Variants in MGLL observed in about 807,000 individuals in gnomAD.
MGLL encodes the protein lysophospholipase homolog.
In MGLL, 7 loss-of-function variants were observed where a neutral mutation model predicts 29.1. The observed-to-expected ratio is 0.24, with a 90% CI of 0.14 to 0.45. MGLL has a LOEUF of 0.45. Ranked by LOEUF, MGLL falls within the 20% of genes least tolerant of loss-of-function variation. The probability of loss-of-function intolerance (pLI) is 0.99; values close to 1 mark genes in which losing one functional copy is unlikely to be tolerated. For synonymous variants in MGLL, 148 were observed against 168.3 expected (o/e 0.88, Z 0.93); for missense variants, 356 against 413.6 (o/e 0.86, Z 1.21).
At chr3:127,800,897 TC>T (rs2077466537) in intron 2 of MGLL, among the ~76,000 whole-genome samples, 1 of 152,052 alleles carries the variant, frequency 6.6e-6, no homozygotes, top group African/African-American at 2.4e-5. Context: ...CAGCTCAGAG[TC>T]CCGTAGAGCT....
At chr3:127,727,736 A>G (rs2107635424) in intron 3 of MGLL, among the ~76,000 whole-genome samples, 1 of 150,010 alleles carries the variant, frequency 6.7e-6, no homozygotes, top group East Asian at 1.9e-4. Context: ...AAAACAGAGC[A>G]AGAAATCAAT....
intron 2 of MGLL, among the ~76,000 whole-genome samples, chr3:127,794,456 T>G (rs1170426526): frequency 6.6e-6 from 1 of 152,186 alleles, no homozygotes; most frequent in Non-Finnish European, 1.5e-5. Context: ...AAGGATGTCT[T>G]ATATGATGTA....
chr3:127,815,246 G>A (rs768837169), intron 2 of MGLL, among the ~76,000 whole-genome samples: 2 of 152,134 alleles, frequency 1.3e-5, no homozygotes, highest in African/African-American at 2.4e-5. Flanking sequence ...CAAATGACCC[G>A]CAGCTTGCGA....
At chr3:127,765,254 C>T (rs928650888) in intron 3 of MGLL, among the ~76,000 whole-genome samples, 1 of 152,158 alleles carries the variant, frequency 6.6e-6, no homozygotes, top group Non-Finnish European at 1.5e-5. Context: ...ACTTCAGAAA[C>T]GGCTTCTTCT....
rs569150210 is a variant in MGLL, at chr3:127,761,896, T to C, written c.262+19893A>G. Among the ~76,000 whole-genome samples the C allele has an allele frequency of 1.3e-5, 2 of 152,314 alleles. No individual in the cohort carries two copies. Among genetic ancestry groups the C allele is most frequent in the South Asian group, 4.1e-4 (2 of 4,822 alleles). On this transcript the variant is annotated intron_variant, in intron 3 of 7. Coordinates refer to ENST00000265052, the MANE Select transcript of MGLL (RefSeq NM_007283.7). The surrounding 1 kb of genome is among the most constrained non-coding windows in gnomAD (Gnocchi z 4.6). ...GTTGTGACTGCATCTGAGGATCCCA[T>C]GCAAGGTTTGGGTCCTCTGTTTGCT...
intron 5 of MGLL, among the ~76,000 whole-genome samples, chr3:127,719,517 A>G (rs2075878690): frequency 6.6e-6 from 1 of 152,256 alleles, no homozygotes; most frequent in East Asian, 1.9e-4. Flanking sequence ...AATGCCTGGG[A>G]GAGCACAGTG....
chr3:127,773,989 C>T (rs552356265), intron 3 of MGLL, among the ~76,000 whole-genome samples: 2 of 152,196 alleles, frequency 1.3e-5, no homozygotes, highest in Non-Finnish European at 2.9e-5. Context: ...AATCTGTCTT[C>T]GCACAGCAGC....
intron 3 of MGLL, among the ~76,000 whole-genome samples, chr3:127,731,958 T>A (rs973208239): frequency 1.3e-5 from 2 of 152,190 alleles, no homozygotes; most frequent in Non-Finnish European, 2.9e-5. Context: ...GATAATCCTT[T>A]GTTGAATGAT....
chr3:127,692,148 T>C lies in MGLL; in HGVS notation c.*50A>G. The stretch of plus-strand genomic sequence containing the variant: ...CATATCTGAGAAGCCATCTCTGCCC[T>C]TCCCCTGCCTGCATCCCCCAGACCA... On this transcript the variant is annotated 3_prime_UTR_variant, in exon 8 of 8. Coordinates refer to ENST00000265052, the MANE Select transcript of MGLL (RefSeq NM_007283.7). 14 of 1,346,744 alleles carry C rather than the reference T, an allele frequency of 1.0e-5. No individual in the cohort carries two copies. The highest frequency in any genetic ancestry group is 1.4e-5 in the Non-Finnish European group (14 of 974,770). The allele number at this position is 1,346,744 out of a possible 1,614,324, so 83.4% of individuals were successfully genotyped here.
At chr3:127,693,870 A>T (rs1358686159) in intron 7 of MGLL, among the ~76,000 whole-genome samples, 1 of 152,218 alleles carries the variant, frequency 6.6e-6, no homozygotes, top group Non-Finnish European at 1.5e-5. Flanking sequence ...ATGAATAAAC[A>T]ATCTTAGCGG....
intron 3 of MGLL, among the ~76,000 whole-genome samples, chr3:127,750,412 C>A (rs565924557): frequency 6.6e-6 from 1 of 152,170 alleles, no homozygotes; most frequent in African/African-American, 2.4e-5. Context: ...TCTCCCGTCA[C>A]GCTTCAAAGG....
chr3:127,790,040 T>C (rs1205570718), intron 2 of MGLL, among the ~76,000 whole-genome samples: 1 of 152,204 alleles, frequency 6.6e-6, no homozygotes, highest in East Asian at 1.9e-4. Flanking sequence ...CCCTGATTAG[T>C]AGTAAGTGTG....
intron 2 of MGLL, among the ~76,000 whole-genome samples, chr3:127,782,247 G>A (rs1390662857): frequency 1.3e-5 from 2 of 151,958 alleles, no homozygotes; most frequent in African/African-American, 4.8e-5. Flanking sequence ...GAAAAGAAAC[G>A]CCCAGATGGC....
rs552052212 is a variant in MGLL at position 127,783,525 on chromosome 3, T to C, written c.156-1630A>G. Among the ~76,000 whole-genome samples, 23 of 152,322 alleles carry C rather than the reference T, an allele frequency of 1.5e-4. No individual in the cohort carries two copies. In the South Asian group the frequency reaches 3.1e-3, roughly 21 times the overall value. Reference sequence around the variant, plus strand: ...ATGAACAGGGGCCCAGCTGAGGACATAGACACCTCATTCAACAGCTGTGTT... The same window carrying C: ...ATGAACAGGGGCCCAGCTGAGGACACAGACACCTCATTCAACAGCTGTGTT... On this transcript the variant is annotated intron_variant, in intron 2 of 7. Transcript: ENST00000265052.
chr3:127,764,618 C>T (rs72626384), intron 3 of MGLL, among the ~76,000 whole-genome samples: 3 of 151,966 alleles, frequency 2.0e-5, no homozygotes, highest in African/African-American at 4.8e-5. Flanking sequence ...AGCTTTGCAT[C>T]GATAATCAGG....
rs146811025 is a variant in MGLL at position 127,798,423 on chromosome 3, C to A, written c.156-16528G>T. 2.9e-4 allele frequency among the ~76,000 whole-genome samples: 44 copies of A among 152,252 alleles called. No individual in the cohort carries two copies. The East Asian group carries it at 8.5e-3, about 29-fold the overall frequency. ...GGGCTCCGAAGTACCCTGCTGGGAC[C>A]CCAGGGCCCTGTTCTTGCCTCTGTG... is the stretch of plus-strand genomic sequence containing the variant. On this transcript the variant is annotated intron_variant, in intron 2 of 7. Coordinates refer to ENST00000265052, the MANE Select transcript of MGLL (RefSeq NM_007283.7).
chr3:127,786,130 G>T (rs1036657159), intron 2 of MGLL, among the ~76,000 whole-genome samples: 1 of 152,148 alleles, frequency 6.6e-6, no homozygotes. Context: ...GGGGCACTGG[G>T]GTTCTCCTCT....
At position 127,695,182 on chromosome 3, in the gene MGLL, A is replaced by G; in HGVS notation, c.609T>C (p.Ile203=). ...GGCAGATCAGGGGGTCTGAGTTATA[A>G]ATGTCGACCTGGAGGAAGAAGGAGA... ...VLSRNKTEVD[I]YNSDPLICRA... Residue 203 remains isoleucine (I), a synonymous_variant, in exon 7 of 8, where the codon ATT becomes ATC. Transcript: ENST00000265052. The G allele has an allele frequency of 6.2e-7, 1 of 1,613,774 alleles. No individual in the cohort carries two copies. Among genetic ancestry groups the G allele is most frequent in the East Asian group, 2.2e-5 (1 of 44,876 alleles).
chr3:127,809,005 G>C (rs1199626145), intron 2 of MGLL, among the ~76,000 whole-genome samples: 1 of 152,156 alleles, frequency 6.6e-6, no homozygotes, highest in Non-Finnish European at 1.5e-5. Flanking sequence ...CAGATCCAAG[G>C]TTGGCTCAGC....
Sources: allele counts gnomAD v4.1 joint callset (sites outside exome capture counted in the v4.1 genomes callset), GRCh38; gene constraint gnomAD v4.1.1; non-coding constraint Gnocchi (gnomAD v3.1); transcripts MANE v1.5; gene names NCBI Gene and HGNC (gene_info 2026-07-23, HGNC 2026-07-21).